PHACTR1: variants seen among roughly 807,000 people sequenced by gnomAD.
The protein encoded by PHACTR1 is RPEL repeat containing 1.
A neutral mutation model predicts 69.2 loss-of-function variants in PHACTR1; 16 were observed. That is an observed-to-expected ratio of 0.23 (90% CI 0.16 to 0.35). The LOEUF is 0.35. Ranked by LOEUF, PHACTR1 falls within the 10% of genes least tolerant of loss-of-function variation. The pLI is 1.00. For missense variants in PHACTR1, 510 were observed against 734.7 expected, an observed-to-expected ratio of 0.69 and a Z score of 3.54; for synonymous variants, 312 against 284.5, an observed-to-expected ratio of 1.10 and a Z score of -0.97.
intron 5 of PHACTR1, among the ~76,000 whole-genome samples, chr6:13,150,292 A>G (rs1405114274): frequency 6.6e-6 from 1 of 152,204 alleles, no homozygotes; most frequent in Non-Finnish European, 1.5e-5. Context: ...CAGTGAGCCA[A>G]GATTGCACCA....
At chr6:12,954,914 G>A (rs1158262980) in intron 4 of PHACTR1, among the ~76,000 whole-genome samples, 1 of 152,160 alleles carries the variant, frequency 6.6e-6, no homozygotes, top group South Asian at 2.1e-4. Flanking sequence ...GCCATCTAAT[G>A]TGATAACCAC....
At chr6:13,270,046 G>A (rs760684319) in intron 10 of PHACTR1, among the ~76,000 whole-genome samples, 3 of 152,132 alleles carry the variant, frequency 2.0e-5, no homozygotes, top group Non-Finnish European at 4.4e-5. Flanking sequence ...CCACAGAACT[G>A]CCCCCACTTC....
At chr6:12,865,012 C>T (rs1781316434) in intron 4 of PHACTR1, among the ~76,000 whole-genome samples, 1 of 152,194 alleles carries the variant, frequency 6.6e-6, no homozygotes, top group Non-Finnish European at 1.5e-5. Context: ...CTGGTTAGCA[C>T]TAGCCAAGGG....
At chr6:12,842,808 GT>G (rs1778831564) in intron 4 of PHACTR1, among the ~76,000 whole-genome samples, 1 of 152,070 alleles carries the variant, frequency 6.6e-6, no homozygotes, top group African/African-American at 2.4e-5. Context: ...GCCTTCCAAA[GT>G]GCTGAGATTA....
chr6:12,981,974 C>T (rs1463341420), intron 4 of PHACTR1, among the ~76,000 whole-genome samples: 3 of 152,222 alleles, frequency 2.0e-5, no homozygotes, highest in Non-Finnish European at 4.4e-5. Flanking sequence ...CTCTCTGCCA[C>T]CAGTTTGATT....
At chr6:12,807,255 G>A (rs1276271701) in intron 4 of PHACTR1, among the ~76,000 whole-genome samples, 1 of 152,172 alleles carries the variant, frequency 6.6e-6, no homozygotes, top group Non-Finnish European at 1.5e-5. Flanking sequence ...ATGTGGGAAT[G>A]AATATTATTT....
chr6:13,051,605 G>T (rs932450978), intron 4 of PHACTR1, among the ~76,000 whole-genome samples: 4 of 152,100 alleles, frequency 2.6e-5, no homozygotes, highest in Admixed American at 6.6e-5. Flanking sequence ...TCCTCCCAGG[G>T]ATCCGCTTCT....
chr6:12,853,145 C>G (rs1779994653), intron 4 of PHACTR1, among the ~76,000 whole-genome samples: 1 of 152,120 alleles, frequency 6.6e-6, no homozygotes, highest in Non-Finnish European at 1.5e-5. Context: ...TATTAAGTAC[C>G]AACTGTCAAG....
At chr6:13,022,599 TTAAGTTGTCACAGAGAC>T (rs1281038032) in intron 4 of PHACTR1, among the ~76,000 whole-genome samples, 10 of 152,172 alleles carry the variant, frequency 6.6e-5, no homozygotes, top group East Asian at 1.9e-4. Context: ...AACTGCAGAC[TTAAGTTGTCACAGAGAC>T]TAAGTTGTCA....
At chr6:12,961,849 A>C (rs1792777175) in intron 4 of PHACTR1, among the ~76,000 whole-genome samples, 2 of 152,162 alleles carry the variant, frequency 1.3e-5, no homozygotes. Context: ...GTAGATGGCC[A>C]CGTTCTCACC....
intron 5 of PHACTR1, among the ~76,000 whole-genome samples, chr6:13,120,076 G>T (rs1466614788): frequency 1.3e-5 from 2 of 152,178 alleles, no homozygotes; most frequent in African/African-American, 4.8e-5. Context: ...CTCTCCTGGT[G>T]CCTCCTCTTC....
chr6:13,243,719 T>C (rs1474776262), intron 10 of PHACTR1, among the ~76,000 whole-genome samples: 2 of 152,202 alleles, frequency 1.3e-5, no homozygotes, highest in Non-Finnish European at 2.9e-5. Flanking sequence ...GATAGGTAGT[T>C]TGGTAGTTTT....
chr6:12,908,113 T>C (rs1240574177), intron 4 of PHACTR1, among the ~76,000 whole-genome samples: 1 of 152,220 alleles, frequency 6.6e-6, no homozygotes, highest in Non-Finnish European at 1.5e-5. Context: ...GATGTTCTTC[T>C]TTATATTGAT....
intron 10 of PHACTR1, chr6:13,272,613 G>C (rs1428734849): frequency 1.0e-5 from 12 of 1,198,946 alleles, no homozygotes; most frequent in Non-Finnish European, 1.3e-5. Flanking sequence ...AGGAGATGGG[G>C]CTGGGGAGGG....
intron 8 of PHACTR1, among the ~76,000 whole-genome samples, chr6:13,222,939 A>G (rs1161557673): frequency 2.0e-5 from 3 of 152,344 alleles, no homozygotes; most frequent in African/African-American, 7.2e-5. Context: ...GGTACAGAAA[A>G]TGAGTTTAGG....
rs140945037 is a variant in PHACTR1 at position 13,245,898 on chromosome 6, T to G, written c.1391+15705T>G. On this transcript the variant is annotated intron_variant, in intron 10 of 14. Coordinates refer to ENST00000332995, the MANE Select transcript of PHACTR1 (RefSeq NM_030948.6). This position sits in a 1 kb window ranked among gnomAD's most constrained non-coding sequence, Gnocchi z 4.1. ...CCAGTTATCCCAGTTCTTTGGTGAG[T>G]TTCTTCACCCACTTCACAACTGTAT... Among the ~76,000 whole-genome samples, 1,604 of 152,282 alleles carry G rather than the reference T, an allele frequency of 0.011. 25 individuals are homozygous for G. The highest frequency in any genetic ancestry group is 0.014 in the Non-Finnish European group (976 of 68,010).
intron 4 of PHACTR1, among the ~76,000 whole-genome samples, chr6:12,909,654 C>T (rs1023649992): frequency 6.6e-6 from 1 of 152,104 alleles, no homozygotes; most frequent in Admixed American, 6.5e-5. Context: ...CCATGTATCC[C>T]CTCCAGGTTG....
chr6:12,779,961 T>C (rs1030556898), intron 4 of PHACTR1, among the ~76,000 whole-genome samples: 2 of 152,198 alleles, frequency 1.3e-5, no homozygotes, highest in African/African-American at 4.8e-5. Context: ...TTGGAGGTTA[T>C]TTCTGAATAT....
chr6:12,841,000 T>C (rs1448494013), intron 4 of PHACTR1, among the ~76,000 whole-genome samples: 1 of 152,208 alleles, frequency 6.6e-6, no homozygotes, highest in Non-Finnish European at 1.5e-5. Context: ...AGTGGGAACA[T>C]GGAACTCACG....
Sources: gnomAD v4.1 joint callset for allele counts (sites outside exome capture counted in the v4.1 genomes callset) on GRCh38, gnomAD v4.1.1 for gene constraint, Gnocchi (gnomAD v3.1) non-coding constraint, MANE v1.5 for transcripts, NCBI Gene and HGNC (gene_info 2026-07-23, HGNC 2026-07-21) for gene names.